CPHXL2: variants seen among roughly 807,000 people sequenced by gnomAD.
The protein encoded by CPHXL2 is cytoplasmic polyadenylated homeobox like 2.
the CPHXL2 span, among the ~76,000 whole-genome samples, chr16:75,664,085 G>C: frequency 6.6e-6 from 1 of 152,090 alleles, no homozygotes; most frequent in Non-Finnish European, 1.5e-5. Context: ...GAAAATCTCT[G>C]AATCTGCCTA....
At chr16:75,660,631 G>A in the CPHXL2 span, 1 of 398,530 alleles carries the variant, frequency 2.5e-6, no homozygotes, top group Non-Finnish European at 4.4e-6. Context: ...TCTTGCAGCA[G>A]TGAGAGACAG....
chr16:75,670,731 A>C, the CPHXL2 span, among the ~76,000 whole-genome samples: 1 of 152,026 alleles, frequency 6.6e-6, no homozygotes, highest in Non-Finnish European at 1.5e-5. Flanking sequence ...TCTTGAGCTC[A>C]AGTGATCCAC....
the CPHXL2 span, among the ~76,000 whole-genome samples, chr16:75,676,677 A>G: frequency 6.6e-6 from 1 of 152,226 alleles, no homozygotes; most frequent in African/African-American, 2.4e-5. Context: ...TGTCTGATCT[A>G]GAACCCATCC....
chr16:75,675,772 G>T, the CPHXL2 span, among the ~76,000 whole-genome samples: 1 of 152,042 alleles, frequency 6.6e-6, no homozygotes, highest in East Asian at 1.9e-4. Flanking sequence ...ACAGTGGTGG[G>T]GCAAGATTTG....
the CPHXL2 span, among the ~76,000 whole-genome samples, chr16:75,668,423 T>C: frequency 2.6e-5 from 4 of 152,052 alleles, no homozygotes; most frequent in African/African-American, 9.7e-5. Flanking sequence ...GAGAAGGGGT[T>C]TCACCATGTT....
the CPHXL2 span, chr16:75,661,109 A>G: frequency 5.0e-6 from 2 of 400,818 alleles, no homozygotes; most frequent in African/African-American, 2.0e-5. Flanking sequence ...GCTCTGTGGC[A>G]TAGTTGGAAG....
chr16:75,667,234 C>T, the CPHXL2 span, among the ~76,000 whole-genome samples: 1 of 151,378 alleles, frequency 6.6e-6, no homozygotes, highest in Non-Finnish European at 1.5e-5. Context: ...ATTGCTTGAA[C>T]CCGGGAGGTG....
At chr16:75,663,835 G>A in the CPHXL2 span, among the ~76,000 whole-genome samples, 1 of 145,194 alleles carries the variant, frequency 6.9e-6, no homozygotes, top group Non-Finnish European at 1.5e-5. Flanking sequence ...ACAGTGAGCT[G>A]AGATCGTGCC....
the CPHXL2 span, among the ~76,000 whole-genome samples, chr16:75,670,965 C>G: frequency 6.6e-6 from 1 of 152,220 alleles, no homozygotes; most frequent in African/African-American, 2.4e-5. Context: ...GGGCTATTCT[C>G]TCTTCCTGGG....
the CPHXL2 span, among the ~76,000 whole-genome samples, chr16:75,668,231 A>T: frequency 0.039 from 2,887 of 74,324 alleles, 107 homozygotes; most frequent in African/African-American, 0.18. Flanking sequence ...ATACATATAT[A>T]TTTTTTTTTT....
At chr16:75,665,846 C>T in the CPHXL2 span, among the ~76,000 whole-genome samples, 1 of 152,158 alleles carries the variant, frequency 6.6e-6, no homozygotes, top group East Asian at 1.9e-4. Flanking sequence ...GCCTGGGCAA[C>T]AGAGCAAGAC....
the CPHXL2 span, among the ~76,000 whole-genome samples, chr16:75,675,954 C>T: frequency 6.6e-6 from 1 of 152,034 alleles, no homozygotes; most frequent in African/African-American, 2.4e-5. Flanking sequence ...TGGTGGGCGT[C>T]TGTAATCCCA....
the CPHXL2 span, chr16:75,661,386 G>A: frequency 2.5e-6 from 1 of 396,040 alleles, no homozygotes; most frequent in Non-Finnish European, 4.4e-6. Flanking sequence ...AGACATTAAG[G>A]CTTATAAAAA....
At chr16:75,661,636 T>G in the CPHXL2 span, among the ~76,000 whole-genome samples, 1 of 152,150 alleles carries the variant, frequency 6.6e-6, no homozygotes, top group Non-Finnish European at 1.5e-5. Context: ...CGTGGATTGT[T>G]CCTACAACCC....
chr16:75,664,705 T>A, the CPHXL2 span, among the ~76,000 whole-genome samples: 340 of 148,474 alleles, frequency 2.3e-3, 2 homozygotes, highest in African/African-American at 8.0e-3. Context: ...CACTGAGAGG[T>A]GAGGCCTTAA....
At chr16:75,669,970 A>C in the CPHXL2 span, among the ~76,000 whole-genome samples, 1 of 152,184 alleles carries the variant, frequency 6.6e-6, no homozygotes, top group Non-Finnish European at 1.5e-5. Context: ...GCTGGAGTGC[A>C]GTGGTGCGAT....
At chr16:75,663,885 CAAAAAAAAAA>C in the CPHXL2 span, among the ~76,000 whole-genome samples, 10,393 of 85,558 alleles carry the variant, frequency 0.12, 457 homozygotes, top group Middle Eastern at 0.15. Context: ...GACTCTGTCT[CAAAAAAAAAA>C]AAAAAAAAAG....
At chr16:75,674,452 A>G in the CPHXL2 span, among the ~76,000 whole-genome samples, 8 of 151,988 alleles carry the variant, frequency 5.3e-5, no homozygotes, top group Non-Finnish European at 8.8e-5. Context: ...AGTAGACCTA[A>G]ATAAATGGAT....
At chr16:75,661,328 GCTTTTT>G in the CPHXL2 span, 2 of 398,762 alleles carry the variant, frequency 5.0e-6, no homozygotes, top group Non-Finnish European at 8.8e-6. Context: ...AATGTAGGAG[GCTTTTT>G]CTTTTTAAGC....
Sources: gnomAD v4.1 joint callset for allele counts (sites outside exome capture counted in the v4.1 genomes callset) on GRCh38, gnomAD v4.1.1 for gene constraint, MANE v1.5 for transcripts, NCBI Gene and HGNC (gene_info 2026-07-23, HGNC 2026-07-21) for gene names.